The following DPP10 variants were observed in gnomAD, a reference collection of about 807,000 sequenced individuals.
DPP10 encodes the protein dipeptidyl peptidase like 10, also known as inactive dipeptidyl peptidase 10.
DPP10 carries 33 observed loss-of-function variants against 120.9 expected under a neutral mutation model. The ratio of observed to expected loss-of-function variants is 0.27; its 90% confidence interval spans 0.21 to 0.37. DPP10 has a LOEUF of 0.37. Among genes scored for constraint, DPP10 ranks in the 10% least tolerant of loss-of-function variants. DPP10 has a pLI of 1.00. For synonymous variants in DPP10, 337 were observed against 326.1 expected, an observed-to-expected ratio of 1.03 and a Z score of -0.36; for missense variants, 816 against 942.8, an observed-to-expected ratio of 0.87 and a Z score of 1.76.
chr2:114,716,577 C>T (rs1701361838), intron 1 of DPP10, among the ~76,000 whole-genome samples: 2 of 152,178 alleles, frequency 1.3e-5, no homozygotes. Flanking sequence ...GCAGTTTCAC[C>T]TAATTGGGCA....
intron 7 of DPP10, among the ~76,000 whole-genome samples, chr2:115,710,459 CA>C (rs1315180371): frequency 1.3e-5 from 2 of 152,006 alleles, no homozygotes; most frequent in Non-Finnish European, 2.9e-5. Flanking sequence ...ATAATTTTCA[CA>C]AGGCACTTTG....
intron 1 of DPP10, among the ~76,000 whole-genome samples, chr2:114,867,869 T>C (rs1690368350): frequency 6.6e-6 from 1 of 152,230 alleles, no homozygotes; most frequent in South Asian, 2.1e-4. Context: ...AGTCTTCACA[T>C]CTGACACTCA....
intron 3 of DPP10, among the ~76,000 whole-genome samples, chr2:115,473,795 A>G (rs2074891207): frequency 6.6e-6 from 1 of 152,182 alleles, no homozygotes; most frequent in Non-Finnish European, 1.5e-5. Context: ...AGAGAACATT[A>G]TTTTTATTCC....
chr2:115,121,765 C>A (rs1208456158), intron 1 of DPP10, among the ~76,000 whole-genome samples: 1 of 152,178 alleles, frequency 6.6e-6, no homozygotes, highest in African/African-American at 2.4e-5. Flanking sequence ...TTGTGCATTT[C>A]TCCTTCTCCT....
chr2:115,743,327 T>C (rs1263646271), intron 9 of DPP10, among the ~76,000 whole-genome samples: 1 of 152,140 alleles, frequency 6.6e-6, no homozygotes, highest in Non-Finnish European at 1.5e-5. Context: ...ATGTTCACGT[T>C]TTGTCTGAAA....
chr2:115,451,890 GT>G (rs1023311279), intron 3 of DPP10, among the ~76,000 whole-genome samples: 101 of 10,808 alleles, frequency 9.3e-3, no homozygotes, highest in Admixed American at 0.051. Context: ...GTGTTTGTGT[GT>G]GTGTGTGTGT....
intron 1 of DPP10, among the ~76,000 whole-genome samples, chr2:114,859,174 A>G (rs1314675903): frequency 6.6e-6 from 1 of 151,948 alleles, no homozygotes; most frequent in African/African-American, 2.4e-5. Flanking sequence ...TTAAAAAAAA[A>G]AAGAAAAAAA....
intron 1 of DPP10, among the ~76,000 whole-genome samples, chr2:114,660,427 A>G (rs1000276478): frequency 6.6e-6 from 1 of 152,198 alleles, no homozygotes; most frequent in Admixed American, 6.5e-5. Flanking sequence ...TGTCCTCCAC[A>G]ACCCTAGTTT....
chr2:114,648,215 A>G (rs903259096), intron 1 of DPP10, among the ~76,000 whole-genome samples: 3 of 152,210 alleles, frequency 2.0e-5, no homozygotes, highest in African/African-American at 7.2e-5. Flanking sequence ...TGATCAAAAC[A>G]GAAAGCTCAT....
intron 1 of DPP10, among the ~76,000 whole-genome samples, chr2:115,050,673 T>A (rs1705405101): frequency 6.6e-6 from 1 of 152,146 alleles, no homozygotes. Context: ...CACACGTAGG[T>A]ACAGGGCAGT....
At chr2:114,602,747 T>C (rs1692473793) in intron 1 of DPP10, among the ~76,000 whole-genome samples, 1 of 152,008 alleles carries the variant, frequency 6.6e-6, no homozygotes, top group Admixed American at 6.6e-5. Context: ...GTGAGAATAA[T>C]TTATAAAGTG....
At position 115,210,292 on chromosome 2, in the gene DPP10, T is replaced by C. The variant is rs531254696; in HGVS notation, c.61-98947T>C. ...GGTGTTTGGTTTTCTGTCCTTGTGA[T>C]AGTTTGCTGAGAATGATGGTTTCCA... On this transcript the variant is annotated intron_variant, in intron 1 of 25. Transcript: ENST00000410059. Among the ~76,000 whole-genome samples, 12 of 152,292 alleles carry C rather than the reference T, an allele frequency of 7.9e-5. No individual in the cohort carries two copies. In the East Asian group the frequency reaches 2.1e-3, roughly 27 times the overall value.
intron 3 of DPP10, among the ~76,000 whole-genome samples, chr2:115,381,096 G>C (rs1377077555): frequency 6.6e-6 from 1 of 152,034 alleles, no homozygotes; most frequent in African/African-American, 2.4e-5. Flanking sequence ...CTGAATGTTG[G>C]CCTGCCTTGC....
At chr2:114,904,929 G>A (rs1693848279) in intron 1 of DPP10, among the ~76,000 whole-genome samples, 2 of 152,160 alleles carry the variant, frequency 1.3e-5, no homozygotes, top group Non-Finnish European at 2.9e-5. Flanking sequence ...TTTAGAGGCA[G>A]GAGCTTAGGG....
intron 3 of DPP10, among the ~76,000 whole-genome samples, chr2:115,423,341 G>A (rs555417847): frequency 1.3e-4 from 20 of 152,026 alleles, no homozygotes; most frequent in African/African-American, 3.6e-4. Flanking sequence ...GAACAGAGAC[G>A]CTGTATGGTA....
chr2:114,554,165 C>T lies in DPP10; in HGVS notation c.60+111327C>T, dbSNP rs1688103057. On this transcript the variant is annotated intron_variant, in intron 1 of 25. Transcript: ENST00000410059. The stretch of plus-strand genomic sequence containing the variant: ...ATATCTCTATTTCTTTTCTCTCCAT[C>T]CCATGCTTTCCTCTCTGACCCACCC... 4.6e-5 allele frequency among the ~76,000 whole-genome samples: 7 copies of T among 152,184 alleles called. No homozygotes were observed. The South Asian group carries it at 1.4e-3, about 32-fold the overall frequency.
At chr2:115,213,072 G>T (rs1486901212) in intron 1 of DPP10, among the ~76,000 whole-genome samples, 1 of 152,052 alleles carries the variant, frequency 6.6e-6, no homozygotes, top group East Asian at 1.9e-4. Flanking sequence ...CCTGGTAAGG[G>T]CTATAACATG....
intron 1 of DPP10, among the ~76,000 whole-genome samples, chr2:115,241,697 A>T (rs1286041749): frequency 6.6e-6 from 1 of 152,206 alleles, no homozygotes; most frequent in Non-Finnish European, 1.5e-5. Context: ...GCTTTTCATT[A>T]GATGGATTTT....
intron 1 of DPP10, among the ~76,000 whole-genome samples, chr2:114,914,744 G>T (rs1694641557): frequency 6.6e-6 from 1 of 152,146 alleles, no homozygotes; most frequent in African/African-American, 2.4e-5. Context: ...CACTTAAAGG[G>T]CAAAGAGTGG....
Sources: gnomAD v4.1 joint callset for allele counts (sites outside exome capture counted in the v4.1 genomes callset) on GRCh38, gnomAD v4.1.1 for gene constraint, MANE v1.5 for transcripts, NCBI Gene and HGNC (gene_info 2026-07-23, HGNC 2026-07-21) for gene names.